TBC1D14: variants seen among roughly 807,000 people sequenced by gnomAD.
The protein encoded by TBC1D14 is TBC1 domain family, member 14.
TBC1D14 carries 26 observed loss-of-function variants against 79.0 expected under a neutral mutation model. The ratio of observed to expected loss-of-function variants is 0.33; its 90% CI spans 0.24 to 0.46. TBC1D14 has a LOEUF of 0.46. TBC1D14 is among the 20% of genes least tolerant of loss of function. TBC1D14 has a pLI of 1.00. For synonymous variants in TBC1D14, 394 were observed against 349.9 expected (o/e 1.13, Z -1.40); for missense variants, 769 against 887.6 (o/e 0.87, Z 1.70).
At chr4:7,013,894 C>A (rs188756859) in intron 11 of TBC1D14, among the ~76,000 whole-genome samples, 1 of 152,170 alleles carries the variant, frequency 6.6e-6, no homozygotes, top group Non-Finnish European at 1.5e-5. Flanking sequence ...CAGGCGCCCG[C>A]CACCACGCCT....
At chr4:6,987,144 C>T in intron 3 of TBC1D14, 1 of 1,186,010 alleles carries the variant, frequency 8.4e-7, no homozygotes, top group Non-Finnish European at 1.0e-6. Context: ...TCCAGCCAGG[C>T]CTGACGCGCC....
chr4:6,967,386 C>T lies in TBC1D14; in HGVS notation c.805C>T (p.Arg269Ter), dbSNP rs565687039. 8 of 1,613,970 alleles carry T rather than the reference C, an allele frequency of 5.0e-6. No individual in the cohort carries two copies. Among genetic ancestry groups the T allele is most frequent in the African/African-American group, 1.3e-5 (1 of 74,998 alleles). Residue 269 changes from arginine to a stop codon, truncating the protein, a stop_gained, in exon 3 of 14, where the codon CGA (arginine) becomes TGA (stop). Coordinates refer to ENST00000409757, the MANE Select transcript of TBC1D14 (RefSeq NM_020773.3). LOFTEE classifies it high-confidence loss of function. Reference sequence around the variant, plus strand: ...GAAGTTATTTGGGAAAGCGCCACTCCGAGAGAATGCCCAGAAGGATTCAAA... The same window carrying T: ...GAAGTTATTTGGGAAAGCGCCACTCTGAGAGAATGCCCAGAAGGATTCAAA... ...GWKLFGKAPLRENAQKDSKRI... is the reference protein window; with the variant it reads ...GWKLFGKAPL
intron 2 of TBC1D14, among the ~76,000 whole-genome samples, chr4:6,944,181 T>A (rs935058360): frequency 7.2e-5 from 11 of 152,234 alleles, no homozygotes; most frequent in Admixed American, 3.9e-4. Flanking sequence ...CTTCTTTTTT[T>A]ATTTCCTTGC....
At chr4:6,933,190 AT>A (rs1317954337) in intron 2 of TBC1D14, among the ~76,000 whole-genome samples, 3 of 144,044 alleles carry the variant, frequency 2.1e-5, no homozygotes, top group Non-Finnish European at 4.5e-5. Flanking sequence ...GAGAACACTG[AT>A]TGCTTTTAAG....
At chr4:6,982,883 G>C (rs1193425845) in intron 3 of TBC1D14, among the ~76,000 whole-genome samples, 1 of 152,214 alleles carries the variant, frequency 6.6e-6, no homozygotes, top group Non-Finnish European at 1.5e-5. Flanking sequence ...ATATTTGGAA[G>C]GGTACTTACA....
intron 2 of TBC1D14, among the ~76,000 whole-genome samples, chr4:6,964,454 A>C (rs1715524374): frequency 6.6e-6 from 1 of 152,194 alleles, no homozygotes; most frequent in African/African-American, 2.4e-5. Flanking sequence ...ACGCCTCTTC[A>C]GCAAAATGTA....
chr4:6,935,933 C>T (rs1356604611), intron 2 of TBC1D14, among the ~76,000 whole-genome samples: 1 of 152,174 alleles, frequency 6.6e-6, no homozygotes, highest in Non-Finnish European at 1.5e-5. Flanking sequence ...CATGAGCCAC[C>T]GTGCCCGGCC....
At chr4:7,012,162 C>T (rs547512225) in intron 11 of TBC1D14, among the ~76,000 whole-genome samples, 1 of 151,892 alleles carries the variant, frequency 6.6e-6, no homozygotes, top group East Asian at 2.0e-4. Context: ...ATTAGCTGGG[C>T]GTGGTGGCAG....
At chr4:7,001,595 A>T in intron 7 of TBC1D14, 1 of 246,598 alleles carries the variant, frequency 4.1e-6, no homozygotes, top group Non-Finnish European at 8.0e-6. Context: ...TCTTGCTGTG[A>T]GGGTGTTTAT....
intron 3 of TBC1D14, among the ~76,000 whole-genome samples, chr4:6,981,411 G>A (rs1396008757): frequency 1.3e-5 from 2 of 152,122 alleles, no homozygotes; most frequent in Non-Finnish European, 2.9e-5. Flanking sequence ...TAGATAACCT[G>A]AATCATCCTG....
At position 6,995,517 on chromosome 4, in the gene TBC1D14, C is replaced by CT. The variant is rs35145050; in HGVS notation, c.963-795dup. On this transcript the variant is annotated intron_variant, in intron 4 of 13. Coordinates refer to ENST00000409757, the MANE Select transcript of TBC1D14 (RefSeq NM_020773.3). ...AATCTTTATCATTCATTTTTCCTTT[C>CT]TTTTTTTTTTTTTGAGATGGAGTCT... 527 of 144,880 alleles carry CT rather than the reference C, an allele frequency of 3.6e-3. 2 individuals are homozygous for CT. The highest frequency in any genetic ancestry group is 8.9e-3 in the African/African-American group (353 of 39,604). The allele number at this position is 144,880 out of a possible 1,614,324, so 9.0% of individuals were successfully genotyped here. A position where few individuals can be genotyped will look rare whatever the true frequency, so the allele number is the denominator to read the frequency against.
intron 2 of TBC1D14, among the ~76,000 whole-genome samples, chr4:6,960,794 C>G (rs760552819): frequency 6.6e-6 from 1 of 152,168 alleles, no homozygotes; most frequent in South Asian, 2.1e-4. Context: ...TTTCAGCCCC[C>G]GCTGCGTCTC....
chr4:6,918,290 G>A (rs1004106177), intron 1 of TBC1D14, among the ~76,000 whole-genome samples: 1 of 152,226 alleles, frequency 6.6e-6, no homozygotes, highest in Admixed American at 6.5e-5. Context: ...CCAGGCGTGA[G>A]TGATGCCTTC....
At chr4:6,971,965 A>G (rs1183700171) in intron 3 of TBC1D14, among the ~76,000 whole-genome samples, 2 of 152,256 alleles carry the variant, frequency 1.3e-5, no homozygotes, top group Non-Finnish European at 2.9e-5. Flanking sequence ...ATTGTGGATA[A>G]AGATGGGAGC....
chr4:7,014,378 A>C, intron 11 of TBC1D14, 70 bp from the exon 12 acceptor site: 1 of 958,254 alleles, frequency 1.0e-6, no homozygotes, highest in Admixed American at 2.0e-5. Context: ...AGATATACAT[A>C]TATTGACTTT....
At chr4:7,001,675 T>G (rs1387478918) in intron 7 of TBC1D14, among the ~76,000 whole-genome samples, 2 of 152,152 alleles carry the variant, frequency 1.3e-5, no homozygotes, top group Non-Finnish European at 1.5e-5. Flanking sequence ...CAACATACTG[T>G]GCTGGGACTG....
At chr4:6,984,868 G>A (rs970742846) in intron 3 of TBC1D14, among the ~76,000 whole-genome samples, 4 of 152,186 alleles carry the variant, frequency 2.6e-5, no homozygotes, top group Non-Finnish European at 5.9e-5. Flanking sequence ...CTGGTTTCTG[G>A]CTGACCTTGG....
chr4:6,969,445 G>A (rs550756931), intron 3 of TBC1D14, among the ~76,000 whole-genome samples: 7 of 151,040 alleles, frequency 4.6e-5, no homozygotes, highest in East Asian at 2.0e-4. Context: ...TCACTCTGTC[G>A]CCCAGGCTGG....
intron 9 of TBC1D14, among the ~76,000 whole-genome samples, chr4:7,007,882 C>T (rs1467836511): frequency 6.6e-6 from 1 of 152,242 alleles, no homozygotes. Flanking sequence ...TCCCCACCCT[C>T]CACCCACGGT....
Sources: allele counts gnomAD v4.1 joint callset (sites outside exome capture counted in the v4.1 genomes callset), GRCh38; gene constraint gnomAD v4.1.1; transcripts MANE v1.5; gene names NCBI Gene and HGNC (gene_info 2026-07-23, HGNC 2026-07-21).